The following SLC5A10 variants were observed in gnomAD, a reference collection of about 807,000 sequenced individuals.
SLC5A10 encodes the protein solute carrier family 5 member 10, also known as sodium/mannose cotransporter SLC5A10.
SLC5A10 carries 55 observed loss-of-function variants against 68.9 expected under a neutral mutation model. That is an observed-to-expected ratio of 0.80 (90% confidence interval 0.64 to 1.00). The LOEUF (loss-of-function observed/expected upper bound fraction) is 1.00, where lower values mean the gene tolerates loss of function less well. Among genes scored for constraint, SLC5A10 ranks in the 50% least tolerant of loss-of-function variants. The pLI is 0.00. For missense variants in SLC5A10, 732 were observed against 819.3 expected, an observed-to-expected ratio of 0.89 and a Z score of 1.30; for synonymous variants, 344 against 344.8, an observed-to-expected ratio of 1.00 and a Z score of 0.02.
intron 9 of SLC5A10, among the ~76,000 whole-genome samples, chr17:18,992,854 G>C (rs1567800879): frequency 6.6e-6 from 1 of 152,168 alleles, no homozygotes; most frequent in South Asian, 2.1e-4. Flanking sequence ...CCACAGGTCT[G>C]GGAGAGGAAG....
At chr17:19,019,692 C>T in intron 12 of SLC5A10, 21 bp from the exon 13 acceptor site, 1 of 1,605,404 alleles carries the variant, frequency 6.2e-7, no homozygotes, top group Non-Finnish European at 8.5e-7. Flanking sequence ...GCCCCACATG[C>T]CCTGCCTCCC....
chr17:18,970,792 A>G (rs2042822228), intron 7 of SLC5A10: 1 of 571,652 alleles, frequency 1.7e-6, no homozygotes, highest in Non-Finnish European at 3.1e-6. Context: ...CTTACTTAAT[A>G]GTATTATTTT....
At chr17:18,974,971 G>A (rs1661309010) in intron 8 of SLC5A10, among the ~76,000 whole-genome samples, 1 of 152,194 alleles carries the variant, frequency 6.6e-6, no homozygotes, top group Non-Finnish European at 1.5e-5. Context: ...TATTCAGGGG[G>A]ACTGGCAGGC....
At chr17:18,954,862 G>C (rs1263341350) in intron 1 of SLC5A10, among the ~76,000 whole-genome samples, 1 of 152,046 alleles carries the variant, frequency 6.6e-6, no homozygotes, top group African/African-American at 2.4e-5. Context: ...CACGAGGTCA[G>C]GAGTTTGAGA....
chr17:19,005,622 A>G (rs1286228082), intron 9 of SLC5A10, among the ~76,000 whole-genome samples: 1 of 151,638 alleles, frequency 6.6e-6, no homozygotes, highest in Non-Finnish European at 1.5e-5. Flanking sequence ...TAGGCTGGTG[A>G]CATCTCTAGG....
chr17:18,982,712 TTAAAGGACATGTGATCCAACTGTGCC>T (rs2043170350), intron 9 of SLC5A10, among the ~76,000 whole-genome samples: 1 of 152,146 alleles, frequency 6.6e-6, no homozygotes. Flanking sequence ...CCACATGTGC[TTAAAGGACATGTGATCCAACTGTGCC>T]AAGCCCGCTG....
At chr17:18,956,406 C>A (rs2042502123) in intron 1 of SLC5A10, among the ~76,000 whole-genome samples, 1 of 148,728 alleles carries the variant, frequency 6.7e-6, no homozygotes, top group South Asian at 2.1e-4. Flanking sequence ...AAATTTGTAT[C>A]TAAATACCTG....
intron 9 of SLC5A10, among the ~76,000 whole-genome samples, chr17:18,987,388 C>T (rs1242078209): frequency 6.6e-6 from 1 of 152,202 alleles, no homozygotes; most frequent in Non-Finnish European, 1.5e-5. Flanking sequence ...GGGCCTGGCG[C>T]ACGGCCAATG....
At chr17:18,993,785 G>A (rs375921893) in intron 9 of SLC5A10, among the ~76,000 whole-genome samples, 8 of 152,330 alleles carry the variant, frequency 5.3e-5, no homozygotes, top group South Asian at 4.1e-4. Context: ...CTCTGCACCC[G>A]CTGGCTCCGA....
Position 19,021,805 on chromosome 17 carries a change from G to T in SLC5A10, c.*1374G>T. ...TGGGGGACCTGGGCCATCCCAGTTT[G>T]TGCAGAGCGGCCGGAGGCAGTTAGG... On this transcript the variant is annotated 3_prime_UTR_variant, in exon 15 of 15. Transcript: ENST00000395645. The surrounding 1 kb of genome is among the most constrained non-coding windows in gnomAD (Gnocchi z 4.1). 1 of 698,446 alleles carries T rather than the reference G, an allele frequency of 1.4e-6. No homozygotes were observed. Among genetic ancestry groups the T allele is most frequent in the Non-Finnish European group, 2.1e-6 (1 of 486,024 alleles). 43.3% of individuals were successfully genotyped at this position (698,446 alleles called of 1,614,324 possible).
chr17:19,005,523 G>A (rs1352457919), intron 9 of SLC5A10, among the ~76,000 whole-genome samples: 3 of 152,144 alleles, frequency 2.0e-5, no homozygotes, highest in Non-Finnish European at 4.4e-5. Flanking sequence ...CAGTCTGCCC[G>A]GCACCAGGCC....
At position 19,000,205 on chromosome 17, in the gene SLC5A10, T is replaced by C. The variant is rs780221111; in HGVS notation, c.983-13205T>C. Among the ~76,000 whole-genome samples, 12 of 151,462 alleles carry C rather than the reference T, an allele frequency of 7.9e-5. No homozygotes were observed. Among genetic ancestry groups the C allele is most frequent in the Non-Finnish European group, 1.8e-4 (12 of 67,806 alleles). On this transcript the variant is annotated intron_variant, in intron 9 of 14. Transcript: ENST00000395645. This position sits in a 1 kb window ranked among gnomAD's most constrained non-coding sequence, Gnocchi z 5.2. ...AGGCAGTTGACCTTCCATCTTGGAG[T>C]AGGAGCCCACTAGGGCTGGAGGGAG...
chr17:18,976,978 C>T lies in SLC5A10; in HGVS notation c.971C>T (p.Ala324Val), dbSNP rs1163616633. Residue 324 changes from alanine to valine, a missense_variant, in exon 9 of 15, where the codon GCA (alanine) becomes GTA (valine). Transcript: ENST00000395645. ...LIIMPGMISRALFPDDVGCVV... is the reference protein window; with the variant it reads ...LIIMPGMISRVLFPDDVGCVV... ...ATCATGCCGGGCATGATCAGCCGCGCATTGTTCCCAGGTAGGACGGGCTCC... is the reference window on the plus strand; with the variant it reads ...ATCATGCCGGGCATGATCAGCCGCGTATTGTTCCCAGGTAGGACGGGCTCC... The T allele has an allele frequency of 6.2e-7, 1 of 1,612,574 alleles. No homozygotes were observed. Among genetic ancestry groups the T allele is most frequent in the Non-Finnish European group, 8.5e-7 (1 of 1,179,846 alleles).
chr17:18,970,836 TA>T (rs530597462), intron 7 of SLC5A10, 176 bp from the exon 8 acceptor site: 2,274 of 496,650 alleles, frequency 4.6e-3, no homozygotes, highest in Middle Eastern at 6.2e-3. Flanking sequence ...AAATACACCT[TA>T]AAAAAAAAAA....
intron 9 of SLC5A10, chr17:18,979,174 C>G (rs1274951357): frequency 4.1e-6 from 2 of 486,276 alleles, no homozygotes; most frequent in Non-Finnish European, 7.5e-6. Context: ...TGCCATGCGT[C>G]TATGCTGCCA....
rs1196073191 is a variant in SLC5A10 at position 19,003,781 on chromosome 17, A to T, written c.983-9629A>T. The T allele has an allele frequency of 6.2e-7, 1 of 1,610,860 alleles. No homozygotes were observed. The highest frequency in any genetic ancestry group is 8.5e-7 in the Non-Finnish European group (1 of 1,179,180). ...CGACCCCATTGTCCTCGGGCCCCTG[A>T]GAGGGGCCCGTGCCCCGAGGGTCCT... is the stretch of plus-strand genomic sequence containing the variant. On this transcript the variant is annotated intron_variant, in intron 9 of 14. Coordinates refer to ENST00000395645, the MANE Select transcript of SLC5A10 (RefSeq NM_001042450.4). This position sits in a 1 kb window ranked among gnomAD's most constrained non-coding sequence, Gnocchi z 4.5.
intron 9 of SLC5A10, among the ~76,000 whole-genome samples, chr17:19,009,958 GA>G (rs930640404): frequency 6.6e-6 from 1 of 152,070 alleles, no homozygotes; most frequent in African/African-American, 2.4e-5. Context: ...CAGGGAGAAG[GA>G]ACAGCAAACA....
chr17:19,019,211 G>A, intron 11 of SLC5A10: 1 of 592,778 alleles, frequency 1.7e-6, no homozygotes, highest in Non-Finnish European at 2.9e-6. Flanking sequence ...AGAGTCAGGA[G>A]CTGCACCTGC....
chr17:19,005,874 C>T (rs2043872690), intron 9 of SLC5A10, among the ~76,000 whole-genome samples: 4 of 152,250 alleles, frequency 2.6e-5, no homozygotes, highest in Admixed American at 1.3e-4. Context: ...TTGCATCCTC[C>T]TCCTGCCCCA....
Sources: gnomAD v4.1 joint callset for allele counts (sites outside exome capture counted in the v4.1 genomes callset) on GRCh38, gnomAD v4.1.1 for gene constraint, Gnocchi (gnomAD v3.1) non-coding constraint, MANE v1.5 for transcripts, NCBI Gene and HGNC (gene_info 2026-07-23, HGNC 2026-07-21) for gene names.